The following IL13RA1 variants were observed in gnomAD, a reference collection of about 807,000 sequenced individuals.
The protein encoded by IL13RA1 is interleukin-13 receptor subunit alpha-1.
Under a neutral mutation model 33.8 loss-of-function variants are expected in IL13RA1, and 14 were observed. That is an observed-to-expected ratio of 0.41 (90% CI 0.27 to 0.65). The LOEUF (loss-of-function observed/expected upper bound fraction) is 0.65, where lower values mean the gene tolerates loss of function less well. IL13RA1 is among the 30% of genes least tolerant of loss of function. IL13RA1 has a pLI of 0.28. For synonymous variants in IL13RA1, 116 were observed against 115.7 expected (o/e 1.00, Z -0.02); for missense variants, 313 against 327.0 (o/e 0.96, Z 0.33).
chrX:118,804,981 C>G, the IL13RA1 span, among the ~76,000 whole-genome samples: 1 of 111,988 alleles, frequency 8.9e-6, no homozygotes, highest in Admixed American at 9.5e-5. Context: ...TGAAAATCAC[C>G]AAATCACCAC....
intron 1 of IL13RA1, among the ~76,000 whole-genome samples, chrX:118,727,937 C>G (rs939777261): frequency 6.2e-5 from 7 of 112,111 alleles, no homozygotes; most frequent in Admixed American, 5.6e-4. Context: ...AGGTGGGACC[C>G]GGGAGCTGCG....
intron 4 of IL13RA1, among the ~76,000 whole-genome samples, chrX:118,750,429 C>T (rs1328658321): frequency 9.1e-6 from 1 of 110,115 alleles, no homozygotes; most frequent in African/African-American, 3.3e-5. Context: ...GAGATCTATA[C>T]AAGTAGTTGT....
At chrX:118,767,252 A>G (rs1488438769) in intron 8 of IL13RA1, among the ~76,000 whole-genome samples, 1 of 112,146 alleles carries the variant, frequency 8.9e-6, no homozygotes, top group Non-Finnish European at 1.9e-5. Context: ...TATAGAAAGC[A>G]GGCATAGGCT....
At chrX:118,803,494 A>G in the IL13RA1 span, among the ~76,000 whole-genome samples, 3 of 112,214 alleles carry the variant, frequency 2.7e-5, no homozygotes, top group Non-Finnish European at 5.6e-5. Context: ...TTTTTGTTTT[A>G]AAAAACTGCA....
chrX:118,733,568 T>G (rs755528912), intron 1 of IL13RA1, among the ~76,000 whole-genome samples: 104 of 111,997 alleles, frequency 9.3e-4, no homozygotes, highest in Admixed American at 1.9e-3. Context: ...TATTTTTCCA[T>G]TCTGTGAGTC....
intron 9 of IL13RA1, among the ~76,000 whole-genome samples, chrX:118,774,719 C>G (rs2017763703): frequency 8.9e-6 from 1 of 111,982 alleles, no homozygotes; most frequent in South Asian, 3.7e-4. Context: ...ATCAAGTTGT[C>G]ATGAATGTAT....
the IL13RA1 span, among the ~76,000 whole-genome samples, chrX:118,805,061 C>T: frequency 1.8e-5 from 2 of 111,865 alleles, no homozygotes; most frequent in African/African-American, 6.5e-5. Context: ...TTCCTGTTGA[C>T]CAACTCCTCT....
Position 118,761,276 on chromosome X carries a change from A to G in IL13RA1, c.815A>G (p.His272Arg). ...VEVNNSQTET[H>R]NVFYVQEAKC... ...GTCAATAACAGCCAAACTGAGACAC[A>G]TAATGTTTTCTACGTAAGGTTTTAA... Residue 272 changes from histidine to arginine, a missense_variant, in exon 6 of 11, where the codon CAT (histidine) becomes CGT (arginine). By Grantham distance (29) the His-to-Arg change is conservative. Coordinates refer to ENST00000371666, the MANE Select transcript of IL13RA1 (RefSeq NM_001560.3). The G allele has an allele frequency of 9.8e-7, 1 of 1,022,668 alleles. No individual in the cohort carries two copies. Among genetic ancestry groups the G allele is most frequent in the Non-Finnish European group, 1.3e-6 (1 of 748,635 alleles). 84.3% of individuals were successfully genotyped at this position (1,022,668 alleles called of 1,213,427 possible).
chrX:118,779,976 G>C (rs760732578), intron 10 of IL13RA1, among the ~76,000 whole-genome samples: 2 of 111,765 alleles, frequency 1.8e-5, no homozygotes, highest in African/African-American at 6.5e-5. Context: ...TTTTTGTCCC[G>C]ATGAGTCAGA....
chrX:118,760,959 A>G (rs1049950482), intron 5 of IL13RA1, among the ~76,000 whole-genome samples, 179 bp from the exon 6 acceptor site: 8 of 112,751 alleles, frequency 7.1e-5, no homozygotes, highest in Non-Finnish European at 1.3e-4. Flanking sequence ...TCTAGGGAAT[A>G]AATGAGAAGA....
At chrX:118,766,817 C>T (rs1352737801) in intron 7 of IL13RA1, 27 bp from the exon 8 acceptor site, 3 of 884,692 alleles carry the variant, frequency 3.4e-6, no homozygotes, top group Non-Finnish European at 4.8e-6. Context: ...GGTAATATTC[C>T]TTGTGTATTT....
chrX:118,786,613 C>T (rs770380683), intron 10 of IL13RA1, among the ~76,000 whole-genome samples: 72 of 111,763 alleles, frequency 6.4e-4, no homozygotes, highest in African/African-American at 2.0e-3. Flanking sequence ...GTTTCTTTCC[C>T]TAATTTTATG....
At chrX:118,759,413 A>G (rs754186635) in intron 5 of IL13RA1, among the ~76,000 whole-genome samples, 2 of 112,417 alleles carry the variant, frequency 1.8e-5, no homozygotes, top group East Asian at 5.6e-4. Context: ...AAATATCCCA[A>G]CTGGGAGCTC....
intron 10 of IL13RA1, 89 bp downstream of exon 10, chrX:118,776,600 A>G: frequency 2.5e-6 from 1 of 403,594 alleles, no homozygotes; most frequent in Non-Finnish European, 4.2e-6. Flanking sequence ...GTGGTAAGGT[A>G]TCCATAACAT....
intron 10 of IL13RA1, among the ~76,000 whole-genome samples, chrX:118,790,109 C>T (rs927431376): frequency 8.9e-6 from 1 of 111,771 alleles, no homozygotes; most frequent in African/African-American, 3.3e-5. Context: ...AGAATATTTC[C>T]ATCATCTCCT....
intron 2 of IL13RA1, among the ~76,000 whole-genome samples, chrX:118,744,639 G>C (rs1008660229): frequency 9.0e-6 from 1 of 111,572 alleles, no homozygotes; most frequent in African/African-American, 3.3e-5. Context: ...CTGACCTTAG[G>C]TGATCCTGAC....
intron 10 of IL13RA1, among the ~76,000 whole-genome samples, chrX:118,783,920 T>C (rs1487928533): frequency 9.9e-6 from 1 of 100,620 alleles, no homozygotes; most frequent in East Asian, 3.2e-4. Flanking sequence ...CTACTAAAAA[T>C]ACAAAATTGA....
At chrX:118,754,111 A>G (rs758019569) in intron 4 of IL13RA1, among the ~76,000 whole-genome samples, 1 of 109,989 alleles carries the variant, frequency 9.1e-6, no homozygotes, top group East Asian at 2.9e-4. Flanking sequence ...TCCCCTTACC[A>G]CCCCACAGCT....
At chrX:118,751,962 G>C (rs758913744) in intron 4 of IL13RA1, among the ~76,000 whole-genome samples, 1 of 107,948 alleles carries the variant, frequency 9.3e-6, no homozygotes, top group African/African-American at 3.4e-5. Flanking sequence ...GTTGCCCCAG[G>C]ATTCACATCC....
Sources: gnomAD v4.1 joint callset for allele counts (sites outside exome capture counted in the v4.1 genomes callset) on GRCh38, gnomAD v4.1.1 for gene constraint, MANE v1.5 for transcripts, NCBI Gene and HGNC (gene_info 2026-07-23, HGNC 2026-07-21) for gene names.